The following PPIG variants were observed in gnomAD, a reference collection of about 807,000 sequenced individuals.
The protein encoded by PPIG is peptidyl-prolyl cis-trans isomerase G.
PPIG carries 26 observed loss-of-function variants against 87.9 expected under a neutral mutation model. That is an observed-to-expected ratio of 0.30 (90% confidence interval 0.22 to 0.41). The LOEUF (loss-of-function observed/expected upper bound fraction) is 0.41, where lower values mean the gene tolerates loss of function less well. Ranked by LOEUF, PPIG falls within the 10% of genes least tolerant of loss-of-function variation. The pLI, the probability that PPIG is intolerant of heterozygous loss-of-function variation, is 1.00. For missense variants in PPIG, 722 were observed against 879.4 expected (o/e 0.82, Z 2.26); for synonymous variants, 308 against 276.5 (o/e 1.11, Z -1.13).
chr2:169,611,892 A>C (rs529191701), intron 7 of PPIG, among the ~76,000 whole-genome samples: 3 of 152,166 alleles, frequency 2.0e-5, no homozygotes, highest in African/African-American at 7.2e-5. Context: ...CAGTCTTAAA[A>C]AAAATTTTTT....
At chr2:169,611,888 TAAAA>T (rs892586014) in intron 7 of PPIG, among the ~76,000 whole-genome samples, 1 of 152,136 alleles carries the variant, frequency 6.6e-6, no homozygotes, top group Non-Finnish European at 1.5e-5. Flanking sequence ...GCTTCAGTCT[TAAAA>T]AAAATTTTTT....
chr2:169,637,451 C>T lies in PPIG; in HGVS notation c.2193C>T (p.Asp731=), dbSNP rs776301598. Residue 731 remains aspartate, a synonymous_variant, in exon 14 of 14, where the codon GAC becomes GAT. Transcript: ENST00000260970. ...AAAAATCAAAAGGTCAAGAAAATGA[C>T]CATGTACATGAAAAAAATAAAAAAT... The part of the protein sequence containing the change: ...ENQKSKGQEN[D]HVHEKNKKFD... The T allele has an allele frequency of 6.2e-7, 1 of 1,608,678 alleles. No homozygotes were observed.
rs1447674009 is a variant in PPIG at position 169,640,345 on chromosome 2, A to G, written c.*2822A>G. 6.6e-6 allele frequency: 1 copy of G among 152,218 alleles called. No homozygotes were observed. The highest frequency in any genetic ancestry group is 1.5e-5 in the Non-Finnish European group (1 of 68,040). The allele number at this position is 152,218 out of a possible 1,614,324, so 9.4% of individuals were successfully genotyped here. On this transcript the variant is annotated 3_prime_UTR_variant, in exon 14 of 14. Coordinates refer to ENST00000260970, the MANE Select transcript of PPIG (RefSeq NM_004792.3). Reference sequence around the variant, plus strand: ...CTAAACAATTAAAGAACTCTTCATTATGGATAGGCACATATTGGATCTCTG... The same window carrying G: ...CTAAACAATTAAAGAACTCTTCATTGTGGATAGGCACATATTGGATCTCTG...
intron 1 of PPIG, among the ~76,000 whole-genome samples, chr2:169,585,401 A>G (rs1453548503): frequency 6.6e-6 from 1 of 151,660 alleles, no homozygotes; most frequent in African/African-American, 2.4e-5. Context: ...AGCTGGGACT[A>G]CAGGCACGTG....
In PPIG at chr2:169,637,550, C is replaced by G; in HGVS notation, c.*27C>G. 1 of 1,503,938 alleles carries G rather than the reference C, an allele frequency of 6.6e-7. No individual in the cohort carries two copies. The highest frequency in any genetic ancestry group is 8.8e-7 in the Non-Finnish European group (1 of 1,133,962). The allele number at this position is 1,503,938 out of a possible 1,614,324, so 93.2% of individuals were successfully genotyped here. ...TGAGTTATATAAACTTACTTCCATT[C>G]TGTTTCGGATTTTAAGTTTGAGAGA... On this transcript the variant is annotated 3_prime_UTR_variant, in exon 14 of 14. Transcript: ENST00000260970.
At chr2:169,613,917 C>A (rs1337228393) in intron 7 of PPIG, among the ~76,000 whole-genome samples, 2 of 152,146 alleles carry the variant, frequency 1.3e-5, no homozygotes, top group African/African-American at 2.4e-5. Context: ...CAGCATGAGA[C>A]CCTGTCTCCA....
intron 11 of PPIG, among the ~76,000 whole-genome samples, chr2:169,632,677 G>A (rs145321996): frequency 0.044 from 6,680 of 151,974 alleles, 214 homozygotes; most frequent in East Asian, 0.18. Context: ...CCTGGGAGGC[G>A]GAGCTTGCAG....
chr2:169,640,498 A>G lies in PPIG; in HGVS notation c.*2975A>G, dbSNP rs569119568. ...TTGGTAATATAGTTTTCATCACACT[A>G]AACTTTTTATACTAAATTTCTGTAG... is the stretch of plus-strand genomic sequence containing the variant. On this transcript the variant is annotated 3_prime_UTR_variant, in exon 14 of 14. Transcript: ENST00000260970. 6.6e-6 allele frequency: 1 copy of G among 152,296 alleles called. No homozygotes were observed. Among genetic ancestry groups the G allele is most frequent in the South Asian group, 2.1e-4 (1 of 4,824 alleles). 9.4% of individuals were successfully genotyped at this position (152,296 alleles called of 1,614,324 possible). A position where few individuals can be genotyped will look rare whatever the true frequency, so the allele number is the denominator to read the frequency against.
Position 169,630,759 on chromosome 2 carries a change from T to C in PPIG, c.548-15T>C. Reference sequence around the variant, plus strand: ...CTAAAAATTGTTGATCAAAACCTTTTTGTTTTTATTAAAGTTAAGAAAGAA... The same window carrying C: ...CTAAAAATTGTTGATCAAAACCTTTCTGTTTTTATTAAAGTTAAGAAAGAA... On this transcript the variant is annotated splice_polypyrimidine_tract_variant and intron_variant, in intron 9 of 13. Transcript: ENST00000260970. 6.3e-7 allele frequency: 1 copy of C among 1,575,704 alleles called. No homozygotes were observed. Among genetic ancestry groups the C allele is most frequent in the Admixed American group, 2.0e-5 (1 of 49,510 alleles).
chr2:169,605,608 C>T (rs962410061), intron 4 of PPIG, among the ~76,000 whole-genome samples: 74 of 151,376 alleles, frequency 4.9e-4, no homozygotes, highest in African/African-American at 1.7e-3. Context: ...TTGAGACCAG[C>T]CTGGCCAACA....
chr2:169,593,542 A>G (rs1405059678), intron 1 of PPIG, among the ~76,000 whole-genome samples: 1 of 151,446 alleles, frequency 6.6e-6, no homozygotes, highest in East Asian at 1.9e-4. Context: ...CACAATAATG[A>G]TTTATTTCCT....
intron 5 of PPIG, among the ~76,000 whole-genome samples, chr2:169,606,659 A>G (rs2105490486): frequency 6.6e-6 from 1 of 151,750 alleles, no homozygotes; most frequent in Admixed American, 6.6e-5. Context: ...AATTTCAGAA[A>G]TAGGCTTCTG....
At chr2:169,589,671 T>G (rs1220020611) in intron 1 of PPIG, among the ~76,000 whole-genome samples, 1 of 151,958 alleles carries the variant, frequency 6.6e-6, no homozygotes, top group Non-Finnish European at 1.5e-5. Flanking sequence ...GGGGGGGTTG[T>G]TTTTTTGGGA....
intron 9 of PPIG, among the ~76,000 whole-genome samples, chr2:169,624,209 T>G (rs1178344387): frequency 6.6e-6 from 1 of 152,196 alleles, no homozygotes; most frequent in Admixed American, 6.5e-5. Flanking sequence ...CAAGCGATCC[T>G]TCTAACTTGA....
intron 1 of PPIG, among the ~76,000 whole-genome samples, chr2:169,601,712 T>C (rs1685189152): frequency 6.6e-6 from 1 of 151,938 alleles, no homozygotes; most frequent in African/African-American, 2.4e-5. Flanking sequence ...TTGAGGAAAA[T>C]ATTAGAAGAT....
chr2:169,604,388 C>A, intron 4 of PPIG, 127 bp downstream of exon 4: 1 of 750,994 alleles, frequency 1.3e-6, no homozygotes, highest in Non-Finnish European at 2.1e-6. Flanking sequence ...TCCAACTGGA[C>A]TAGAACTCCT....
chr2:169,624,817 T>C (rs113618639), intron 9 of PPIG, among the ~76,000 whole-genome samples: 5 of 152,182 alleles, frequency 3.3e-5, no homozygotes, highest in African/African-American at 7.2e-5. Context: ...GTCTTGATCT[T>C]CTGACTTCGT....
intron 1 of PPIG, among the ~76,000 whole-genome samples, chr2:169,590,129 C>CAAAA (rs59876325): frequency 2.2e-5 from 3 of 139,342 alleles, no homozygotes; most frequent in Non-Finnish European, 3.1e-5. Context: ...CGACAACAAC[C>CAAAA]AAAAAAAAAA....
intron 7 of PPIG, among the ~76,000 whole-genome samples, chr2:169,611,301 G>A (rs568925379): frequency 2.6e-4 from 40 of 152,288 alleles, no homozygotes; most frequent in African/African-American, 9.6e-4. Flanking sequence ...CATTCCCAGA[G>A]CATCTTTCTG....
Sources: allele counts gnomAD v4.1 joint callset (sites outside exome capture counted in the v4.1 genomes callset), GRCh38; gene constraint gnomAD v4.1.1; transcripts MANE v1.5; gene names NCBI Gene and HGNC (gene_info 2026-07-23, HGNC 2026-07-21).